SUSD1: variants seen among roughly 807,000 people sequenced by gnomAD.
SUSD1 encodes the protein sushi domain-containing protein 1.
SUSD1 carries 65 observed loss-of-function variants against 86.9 expected under a neutral mutation model. That is an observed-to-expected ratio of 0.75 (90% CI 0.61 to 0.92). The LOEUF (loss-of-function observed/expected upper bound fraction) is 0.92, where lower values mean the gene tolerates loss of function less well. SUSD1 is among the 40% of genes least tolerant of loss of function. The pLI, the probability that SUSD1 is intolerant of heterozygous loss-of-function variation, is 0.00. For synonymous variants in SUSD1, 346 were observed against 350.0 expected (o/e 0.99, Z 0.13); for missense variants, 850 against 929.7 (o/e 0.91, Z 1.11).
At chr9:112,054,273 C>T (rs1287173625) in intron 14 of SUSD1, among the ~76,000 whole-genome samples, 1 of 152,092 alleles carries the variant, frequency 6.6e-6, no homozygotes, top group Non-Finnish European at 1.5e-5. Context: ...AGTGCCAAGA[C>T]CATTCAATAG....
At chr9:112,059,413 A>C (rs1253168575) in intron 13 of SUSD1, among the ~76,000 whole-genome samples, 1 of 152,226 alleles carries the variant, frequency 6.6e-6, no homozygotes, top group Non-Finnish European at 1.5e-5. Flanking sequence ...ATGGAGACCG[A>C]GTGCCTACCA....
chr9:112,165,929 A>C (rs563518918), intron 1 of SUSD1, among the ~76,000 whole-genome samples: 2 of 131,974 alleles, frequency 1.5e-5, no homozygotes, highest in African/African-American at 6.1e-5. Flanking sequence ...AAGAAAAGAA[A>C]GAAAGAAAGA....
chr9:112,062,925 A>G lies in SUSD1; in HGVS notation c.1850+12T>C, dbSNP rs1402445262. ...ATCACTGGGCAACCGTGGAGAAAGG[A>G]CAGCTACTGACCTGATTGGTCCATT... On this transcript the variant is annotated intron_variant, in intron 13 of 16. Transcript: ENST00000374270. 5.1e-6 allele frequency: 8 copies of G among 1,572,688 alleles called. No homozygotes were observed. Among genetic ancestry groups the G allele is most frequent in the Non-Finnish European group, 6.1e-6 (7 of 1,145,724 alleles).
chr9:112,174,775 C>T (rs1834194624), intron 1 of SUSD1, among the ~76,000 whole-genome samples: 1 of 152,120 alleles, frequency 6.6e-6, no homozygotes, highest in African/African-American at 2.4e-5. Context: ...CCGCAGAACG[C>T]CCTGGCCTCC....
At chr9:112,052,954 T>C (rs890529131) in intron 14 of SUSD1, among the ~76,000 whole-genome samples, 1 of 152,182 alleles carries the variant, frequency 6.6e-6, no homozygotes, top group African/African-American at 2.4e-5. Flanking sequence ...GGAACATATA[T>C]GAAAGCTCAT....
Position 112,144,191 on chromosome 9 carries a change from G to T in SUSD1, c.374-568C>A, listed in dbSNP as rs139506856. On this transcript the variant is annotated intron_variant, in intron 3 of 16. Coordinates refer to ENST00000374270, the MANE Select transcript of SUSD1 (RefSeq NM_022486.5). Reference sequence around the variant, plus strand: ...GGAGGCGGAGCTTGCAGTGAGCCGAGATCACGCCACTGCACTCAGCCTGGG... The same window carrying T: ...GGAGGCGGAGCTTGCAGTGAGCCGATATCACGCCACTGCACTCAGCCTGGG... Among the ~76,000 whole-genome samples, 625 of 151,594 alleles carry T rather than the reference G, an allele frequency of 4.1e-3. 2 individuals are homozygous for T. The highest frequency in any genetic ancestry group is 0.015 in the African/African-American group (600 of 41,302).
intron 1 of SUSD1, 41 bp from the exon 2 acceptor site, chr9:112,157,654 A>G (rs1589742640): frequency 6.5e-7 from 1 of 1,530,840 alleles, no homozygotes. Context: ...GAAAAATGCA[A>G]GATGAGACAC....
At chr9:112,165,964 A>C (rs908855741) in intron 1 of SUSD1, among the ~76,000 whole-genome samples, 18 of 151,406 alleles carry the variant, frequency 1.2e-4, no homozygotes, top group African/African-American at 3.9e-4. Flanking sequence ...AAAGAAAGAA[A>C]GAAAGAAAGA....
At chr9:112,131,649 TA>T (rs1266652682) in intron 5 of SUSD1, among the ~76,000 whole-genome samples, 1 of 152,034 alleles carries the variant, frequency 6.6e-6, no homozygotes, top group African/African-American at 2.4e-5. Context: ...ATTTAATACA[TA>T]AAAAACCCCC....
intron 9 of SUSD1, among the ~76,000 whole-genome samples, chr9:112,101,122 G>A (rs189495188): frequency 1.3e-5 from 2 of 152,150 alleles, no homozygotes; most frequent in African/African-American, 2.4e-5. Flanking sequence ...AGCACCTAGG[G>A]AAGCTGAGGC....
intron 1 of SUSD1, among the ~76,000 whole-genome samples, chr9:112,159,327 G>C (rs146673420): frequency 6.6e-5 from 10 of 152,236 alleles, no homozygotes; most frequent in African/African-American, 2.4e-4. Context: ...CTAGCCCTTA[G>C]GCTGCTCCAG....
At chr9:112,164,930 G>A (rs1386140362) in intron 1 of SUSD1, among the ~76,000 whole-genome samples, 2 of 152,214 alleles carry the variant, frequency 1.3e-5, no homozygotes, top group Admixed American at 1.3e-4. Flanking sequence ...GGGCGACAGA[G>A]CGAAACTCAG....
intron 12 of SUSD1, among the ~76,000 whole-genome samples, chr9:112,072,140 C>CTTTTTTTTTTTTTT: frequency 3.3e-4 from 40 of 121,168 alleles, no homozygotes; most frequent in Non-Finnish European, 4.4e-4. Flanking sequence ...CTTTCTTTCT[C>CTTTTTTTTTTTTTT]TTTTTTTTTT....
chr9:112,098,434 T>C, intron 10 of SUSD1, 36 bp downstream of exon 10: 2 of 1,605,040 alleles, frequency 1.2e-6, no homozygotes, highest in Non-Finnish European at 1.7e-6. Context: ...AGGTAATTTG[T>C]CCTGAGGCAC....
chr9:112,163,089 T>C (rs1406769920), intron 1 of SUSD1, among the ~76,000 whole-genome samples: 2 of 152,166 alleles, frequency 1.3e-5, no homozygotes, highest in Admixed American at 1.3e-4. Flanking sequence ...TTTTCTTATA[T>C]AAAATACTTG....
chr9:112,075,304 T>C (rs1243708095), intron 12 of SUSD1, among the ~76,000 whole-genome samples: 3 of 152,218 alleles, frequency 2.0e-5, no homozygotes, highest in Non-Finnish European at 4.4e-5. Context: ...TGGGCTGTTA[T>C]GCTATCTATC....
intron 10 of SUSD1, among the ~76,000 whole-genome samples, chr9:112,083,372 C>A (rs1244675325): frequency 1.3e-5 from 2 of 152,086 alleles, no homozygotes; most frequent in Non-Finnish European, 2.9e-5. Flanking sequence ...GGACTACAGG[C>A]ATGCACCACC....
At chr9:112,101,449 A>G (rs1830632508) in intron 9 of SUSD1, among the ~76,000 whole-genome samples, 1 of 152,226 alleles carries the variant, frequency 6.6e-6, no homozygotes, top group African/African-American at 2.4e-5. Context: ...ATGACACAAA[A>G]TAAATCTCAG....
In SUSD1 at chr9:112,078,813, T is replaced by G. The variant is rs879010808; in HGVS notation, c.1567-89A>C. 9.1e-3 allele frequency: 4,578 copies of G among 501,922 alleles called. 123 individuals carry two copies. Among genetic ancestry groups the G allele is most frequent in the African/African-American group, 0.088 (4,093 of 46,342 alleles). 31.1% of individuals were successfully genotyped at this position (501,922 alleles called of 1,614,324 possible). A position where few individuals can be genotyped will look rare whatever the true frequency, so the allele number is the denominator to read the frequency against. ...CTCCCCTTTTCCTTTTTCTTTCTCTTTTTTTTTTTTTTTTTTTGAGATGGG... is the reference window on the plus strand; with the variant it reads ...CTCCCCTTTTCCTTTTTCTTTCTCTGTTTTTTTTTTTTTTTTTGAGATGGG... On this transcript the variant is annotated intron_variant, in intron 11 of 16. Coordinates refer to ENST00000374270, the MANE Select transcript of SUSD1 (RefSeq NM_022486.5).
Sources: gnomAD v4.1 joint callset for allele counts (sites outside exome capture counted in the v4.1 genomes callset) on GRCh38, gnomAD v4.1.1 for gene constraint, MANE v1.5 for transcripts, NCBI Gene and HGNC (gene_info 2026-07-23, HGNC 2026-07-21) for gene names.